Variants in ADGRA2 observed in about 807,000 individuals in gnomAD.
ADGRA2 encodes G-protein coupled receptor 124.
In ADGRA2, 61 loss-of-function variants were observed where a neutral mutation model predicts 98.7. That is an observed-to-expected ratio of 0.62 (90% CI 0.50 to 0.76). ADGRA2 has a LOEUF of 0.76. Among genes scored for constraint, ADGRA2 ranks in the 30% least tolerant of loss-of-function variants. The pLI, the probability that ADGRA2 is intolerant of heterozygous loss-of-function variation, is 0.00. For missense variants in ADGRA2, 1,712 were observed against 1,860.0 expected (o/e 0.92, Z 1.46); for synonymous variants, 858 against 831.5 (o/e 1.03, Z -0.55).
At position 37,841,519 on chromosome 8, in the gene ADGRA2, C is replaced by G. The variant is rs755266710; in HGVS notation, c.3181C>G (p.Leu1061Val). Residue 1061 changes from leucine (L) to valine (V), a missense_variant, in exon 19 of 19, where the codon CTG becomes GTG. Coordinates refer to ENST00000412232, the MANE Select transcript of ADGRA2 (RefSeq NM_032777.10). The surrounding 1 kb of genome is among the most constrained non-coding windows in gnomAD (Gnocchi z 5.0). Reference sequence around the variant, plus strand: ...CTTGTACGGGGTGGCAGCCTCCGCCCTGGGCCTCTTCGTCTTCACTCACCA... The same window carrying G: ...CTTGTACGGGGTGGCAGCCTCCGCCGTGGGCCTCTTCGTCTTCACTCACCA... The part of the protein sequence containing the change: ...SCLYGVAASA[L>V]GLFVFTHHCA... 9 of 1,612,726 alleles carry G rather than the reference C, an allele frequency of 5.6e-6. No individual in the cohort carries two copies. The highest frequency in any genetic ancestry group is 1.3e-5 in the African/African-American group (1 of 74,932).
intron 14 of ADGRA2, among the ~76,000 whole-genome samples, chr8:37,838,596 C>A (rs1014145787): frequency 1.3e-5 from 2 of 152,166 alleles, no homozygotes; most frequent in African/African-American, 4.8e-5. Flanking sequence ...TCTGGGAACC[C>A]TTCTCCTTCC....
chr8:37,835,781 GA>G lies in ADGRA2; in HGVS notation c.2050+13del. 6.3e-7 allele frequency: 1 copy of G among 1,579,856 alleles called. No individual in the cohort carries two copies. Among genetic ancestry groups the G allele is most frequent in the Non-Finnish European group, 8.7e-7 (1 of 1,150,192 alleles). ...TCTTCGCAGGAACCAGTAAGGGACT[GA>G]ATTCCCCGCCCCGCCCAGGGTGCCT... On this transcript the variant is annotated intron_variant, in intron 13 of 18. Coordinates refer to ENST00000412232, the MANE Select transcript of ADGRA2 (RefSeq NM_032777.10).
intron 8 of ADGRA2, 111 bp downstream of exon 8, chr8:37,831,698 AG>A: frequency 1.2e-6 from 1 of 865,544 alleles, no homozygotes; most frequent in South Asian, 1.6e-5. Flanking sequence ...TGGGTCCTAA[AG>A]ATGGAGAAGA....
chr8:37,841,185 C>T lies in ADGRA2; in HGVS notation c.2847C>T (p.Arg949=), dbSNP rs1297251714. The change falls in exon 19 of 19, where the codon CGC becomes CGT. Residue 949 remains arginine (R), a synonymous_variant. Transcript: ENST00000412232. This position sits in a 1 kb window ranked among gnomAD's most constrained non-coding sequence, Gnocchi z 5.0. ...TCTATTTCCTGTGCGCCGGGCTACG[C>T]TTACGGGGTCCTCTGGCACAGAACC... ...TWIYFLCAGL[R]LRGPLAQNPK... The T allele has an allele frequency of 6.2e-7, 1 of 1,613,414 alleles. No homozygotes were observed. The highest frequency in any genetic ancestry group is 1.1e-5 in the South Asian group (1 of 91,086).
At chr8:37,825,911 C>T (rs371426002) in intron 2 of ADGRA2, among the ~76,000 whole-genome samples, 13 of 152,218 alleles carry the variant, frequency 8.5e-5, no homozygotes, top group Middle Eastern at 3.4e-3. Context: ...CCTCCCCAGG[C>T]GGGCTTGAGG....
rs1197523428 is a variant in ADGRA2 at position 37,829,945 on chromosome 8, C to T, written c.649C>T (p.Leu217Phe). ...CTCCCTGCAGCTGTCGGAACACACG[C>T]TCTGTGCTTACCCCAGTGCCCTGCA... ...NRSLQLSEHT[L>F]CAYPSALHAQ... The change falls in exon 6 of 19, where the codon CTC becomes TTC. Residue 217 changes from leucine (L) to phenylalanine (F), a missense_variant. Transcript: ENST00000412232. 1.2e-6 allele frequency: 2 copies of T among 1,610,952 alleles called. No homozygotes were observed. The highest frequency in any genetic ancestry group is 2.7e-5 in the African/African-American group (2 of 75,032).
At chr8:37,803,079 G>T (rs1804554317) in intron 1 of ADGRA2, among the ~76,000 whole-genome samples, 1 of 152,158 alleles carries the variant, frequency 6.6e-6, no homozygotes, top group Non-Finnish European at 1.5e-5. Flanking sequence ...TTCCCCCAAA[G>T]GCACAGGCAA....
In ADGRA2 at chr8:37,841,765, CAG is replaced by C; in HGVS notation, c.3430_3431del (p.Gln1145GlyfsTer120). 1.9e-6 allele frequency: 3 copies of C among 1,539,236 alleles called. No homozygotes were observed. Among genetic ancestry groups the C allele is most frequent in the Non-Finnish European group, 8.7e-7 (1 of 1,144,636 alleles). ...PCKLTNLQLA[Q>X]SQVCEAGAAA... ...CAAGCTCACCAACCTGCAGCTGGCCCAGAGTCAGGTGTGCGAGGCGGGGGCGG... is the reference window on the plus strand; with the variant it reads ...CAAGCTCACCAACCTGCAGCTGGCCCAGTCAGGTGTGCGAGGCGGGGGCGG... On this transcript the variant is annotated frameshift_variant, in exon 19 of 19. Transcript: ENST00000412232. LOFTEE classifies it low-confidence loss of function (END_TRUNC). This position sits in a 1 kb window ranked among gnomAD's most constrained non-coding sequence, Gnocchi z 5.0.
chr8:37,801,556 G>C (rs937358265), intron 1 of ADGRA2, among the ~76,000 whole-genome samples: 1 of 152,190 alleles, frequency 6.6e-6, no homozygotes, highest in African/African-American at 2.4e-5. Context: ...TTCCAGGAAA[G>C]GACTGTTTGT....
At chr8:37,798,212 GT>G (rs1804397104) in intron 1 of ADGRA2, among the ~76,000 whole-genome samples, 1 of 152,232 alleles carries the variant, frequency 6.6e-6, no homozygotes, top group African/African-American at 2.4e-5. Context: ...TCTGTGCTGG[GT>G]CCCGCGTCCT....
intron 1 of ADGRA2, among the ~76,000 whole-genome samples, chr8:37,809,314 G>C (rs1231246389): frequency 2.2e-5 from 3 of 139,488 alleles, no homozygotes; most frequent in Non-Finnish European, 4.8e-5. Flanking sequence ...AAAAAAAAAA[G>C]ACCAGACCCC....
intron 2 of ADGRA2, among the ~76,000 whole-genome samples, chr8:37,821,054 C>G (rs78661008): frequency 6.6e-6 from 1 of 152,118 alleles, no homozygotes; most frequent in African/African-American, 2.4e-5. Flanking sequence ...CCACCTTGCA[C>G]GTCTGTGCCC....
chr8:37,833,277 C>T (rs1241566012), intron 9 of ADGRA2, 69 bp downstream of exon 9: 30 of 1,259,412 alleles, frequency 2.4e-5, no homozygotes, highest in Non-Finnish European at 2.9e-5. Flanking sequence ...GCCAACCTAA[C>T]GGGCAAGGGG....
rs1314771841 is a variant in ADGRA2 at position 37,844,324 on chromosome 8, C to T, written c.*1969C>T. ...CCTACCTATAGTCATCCCTGCACTC[C>T]TGACTTTACTCCAGGACCCAGGGTC... is the stretch of plus-strand genomic sequence containing the variant. On this transcript the variant is annotated 3_prime_UTR_variant, in exon 19 of 19. Coordinates refer to ENST00000412232, the MANE Select transcript of ADGRA2 (RefSeq NM_032777.10). The T allele has an allele frequency of 2.5e-6, 2 of 811,700 alleles. No individual in the cohort carries two copies. The highest frequency in any genetic ancestry group is 3.9e-6 in the Non-Finnish European group (2 of 512,394). 50.3% of individuals were successfully genotyped at this position (811,700 alleles called of 1,614,324 possible).
intron 10 of ADGRA2, 61 bp downstream of exon 10, chr8:37,833,898 C>T: frequency 6.2e-7 from 1 of 1,605,706 alleles, no homozygotes; most frequent in Non-Finnish European, 8.5e-7. Context: ...TTGCTCAAGC[C>T]TCTCTCTCAC....
In ADGRA2 at chr8:37,830,898, A is replaced by G. The variant is rs375320170; in HGVS notation, c.907A>G (p.Ile303Val). ...GGGCATCCTCCTGGCCGAGAGCCTC[A>G]TCCACGACTGCACCTTCATCACCAG... ...QAGILLAESL[I>V]HDCTFITSEL... Residue 303 changes from isoleucine (I) to valine (V), a missense_variant, in exon 7 of 19, where the codon ATC becomes GTC. By Grantham distance (29) the Ile-to-Val change is conservative. Transcript: ENST00000412232. The surrounding 1 kb of genome is among the most constrained non-coding windows in gnomAD (Gnocchi z 4.8). 1.4e-5 allele frequency: 22 copies of G among 1,583,150 alleles called. No homozygotes were observed. In the African/African-American group the frequency reaches 3.0e-4, roughly 21 times the overall value.
Position 37,840,842 on chromosome 8 carries a change from A to G in ADGRA2, c.2740A>G (p.Ser914Gly). The G allele has an allele frequency of 1.3e-6, 2 of 1,592,596 alleles. No homozygotes were observed. The highest frequency in any genetic ancestry group is 1.7e-6 in the Non-Finnish European group (2 of 1,161,882). ...CAACATCCACAACTACCGGGACCAC[A>G]GCCCCTAGTGAGCACCCCTCCCTCC... ...AVNIHNYRDH[S>G]PYCWLVWRPS... The change falls in exon 18 of 19, where the codon AGC becomes GGC. Residue 914 changes from serine to glycine, a missense_variant. Coordinates refer to ENST00000412232, the MANE Select transcript of ADGRA2 (RefSeq NM_032777.10).
rs1167557522 is a variant in ADGRA2 at position 37,833,845 on chromosome 8, T to G, written c.1446+8T>G. 1 of 1,613,826 alleles carries G rather than the reference T, an allele frequency of 6.2e-7. No individual in the cohort carries two copies. Among genetic ancestry groups the G allele is most frequent in the Non-Finnish European group, 8.5e-7 (1 of 1,179,724 alleles). On this transcript the variant is annotated splice_region_variant and intron_variant, in intron 10 of 18. Coordinates refer to ENST00000412232, the MANE Select transcript of ADGRA2 (RefSeq NM_032777.10). ...GTCGACCAGATCAAAGAGGTGAGAC[T>G]CAGCTGGAACTCAGGAGCTCGGAAA...
At chr8:37,800,684 A>G (rs1477575905) in intron 1 of ADGRA2, among the ~76,000 whole-genome samples, 1 of 152,086 alleles carries the variant, frequency 6.6e-6, no homozygotes, top group Non-Finnish European at 1.5e-5. Context: ...TCGCTCTCTG[A>G]GCCCCTGCAT....
Sources: gnomAD v4.1 joint callset for allele counts (sites outside exome capture counted in the v4.1 genomes callset) on GRCh38, gnomAD v4.1.1 for gene constraint, Gnocchi (gnomAD v3.1) non-coding constraint, MANE v1.5 for transcripts, NCBI Gene and HGNC (gene_info 2026-07-23, HGNC 2026-07-21) for gene names.